The following LRP1B variants were observed in gnomAD, a reference collection of about 807,000 sequenced individuals.
LRP1B encodes low-density lipoprotein receptor-related protein 1B.
A neutral mutation model predicts 556.6 loss-of-function variants in LRP1B; 217 were observed. The observed-to-expected ratio is 0.39, with a 90% CI of 0.35 to 0.44. The LOEUF is 0.44. Among genes scored for constraint, LRP1B ranks in the 20% least tolerant of loss-of-function variants. The pLI, the probability that LRP1B is intolerant of heterozygous loss-of-function variation, is 1.00. For missense variants in LRP1B, 5,053 were observed against 5,620.8 expected (o/e 0.90, Z 3.23); for synonymous variants, 2,047 against 1,865.8 (o/e 1.10, Z -2.50).
intron 23 of LRP1B, 27 bp downstream of exon 23, chr2:140,902,893 A>T (rs2105222288): frequency 6.2e-7 from 1 of 1,606,260 alleles, no homozygotes; most frequent in Non-Finnish European, 8.5e-7. Flanking sequence ...TCTTAAATAT[A>T]GCAACACACA....
At position 141,715,415 on chromosome 2, in the gene LRP1B, G is replaced by A. The variant is rs140621157; in HGVS notation, c.205+94864C>T. Among the ~76,000 whole-genome samples the A allele has an allele frequency of 2.0e-3, 304 of 152,216 alleles. 2 individuals are homozygous for A. The highest frequency in any genetic ancestry group is 3.3e-3 in the Non-Finnish European group (226 of 68,014). ...GAGCCAGGGAAGTCAAGGCTGCAGT[G>A]AGCCCTGATTGTGCCACTGCACTCC... On this transcript the variant is annotated intron_variant, in intron 2 of 90. Coordinates refer to ENST00000389484, the MANE Select transcript of LRP1B (RefSeq NM_018557.3).
At chr2:141,173,859 C>T (rs573952850) in intron 7 of LRP1B, among the ~76,000 whole-genome samples, 11 of 152,158 alleles carry the variant, frequency 7.2e-5, no homozygotes, top group Admixed American at 2.6e-4. Context: ...GACAAATTTA[C>T]TTACCTCTTA....
At chr2:140,401,591 G>A (rs1358126678) in intron 66 of LRP1B, among the ~76,000 whole-genome samples, 3 of 152,184 alleles carry the variant, frequency 2.0e-5, no homozygotes, top group African/African-American at 7.2e-5. Context: ...TGCCCTGGTA[G>A]CTTAACACAA....
chr2:141,706,531 C>T (rs1692144058), intron 2 of LRP1B, among the ~76,000 whole-genome samples: 1 of 152,058 alleles, frequency 6.6e-6, no homozygotes, highest in Non-Finnish European at 1.5e-5. Flanking sequence ...TTACACCAAC[C>T]TGCTTCCAAG....
At chr2:140,464,770 A>T (rs944885726) in intron 60 of LRP1B, among the ~76,000 whole-genome samples, 1 of 152,210 alleles carries the variant, frequency 6.6e-6, no homozygotes, top group Non-Finnish European at 1.5e-5. Flanking sequence ...TTCAACACAC[A>T]TATACATAGG....
chr2:140,301,697 T>A (rs1024001508), intron 83 of LRP1B, among the ~76,000 whole-genome samples: 1 of 151,960 alleles, frequency 6.6e-6, no homozygotes, highest in African/African-American at 2.4e-5. Flanking sequence ...CTGATTTTAA[T>A]TATTTGGTGG....
intron 3 of LRP1B, among the ~76,000 whole-genome samples, chr2:141,436,147 T>A (rs182699630): frequency 2.2e-4 from 33 of 152,340 alleles, no homozygotes; most frequent in African/African-American, 7.9e-4. Context: ...AAAAATTGTA[T>A]ACATTCAAGG....
At chr2:140,788,972 A>G (rs1353710725) in intron 32 of LRP1B, among the ~76,000 whole-genome samples, 1 of 152,146 alleles carries the variant, frequency 6.6e-6, no homozygotes, top group Admixed American at 6.5e-5. Flanking sequence ...AGCCATGGAG[A>G]CCTCAGAAGA....
chr2:140,822,696 T>A (rs1390057147), intron 31 of LRP1B, among the ~76,000 whole-genome samples: 1 of 152,162 alleles, frequency 6.6e-6, no homozygotes, highest in African/African-American at 2.4e-5. Flanking sequence ...CAGTTCTGGA[T>A]TTTTCCCTTT....
At chr2:141,400,682 A>AT (rs1332004406) in intron 3 of LRP1B, among the ~76,000 whole-genome samples, 2 of 152,144 alleles carry the variant, frequency 1.3e-5, no homozygotes, top group Non-Finnish European at 2.9e-5. Flanking sequence ...TGGTCCATTT[A>AT]TTTTTTTAAA....
chr2:141,372,671 A>G (rs982090790), intron 3 of LRP1B, among the ~76,000 whole-genome samples: 3 of 152,048 alleles, frequency 2.0e-5, no homozygotes, highest in Admixed American at 6.6e-5. Flanking sequence ...GAGCATACAG[A>G]TGTTCATAGC....
At chr2:141,068,208 C>G (rs899949035) in intron 7 of LRP1B, among the ~76,000 whole-genome samples, 1 of 151,686 alleles carries the variant, frequency 6.6e-6, no homozygotes, top group African/African-American at 2.4e-5. Context: ...GGGTAAATAC[C>G]CGGGGTTCAT....
chr2:141,401,346 A>C (rs1017960289), intron 3 of LRP1B, among the ~76,000 whole-genome samples: 1 of 152,214 alleles, frequency 6.6e-6, no homozygotes, highest in African/African-American at 2.4e-5. Context: ...CATGGTTATG[A>C]AGTAGAACAA....
At chr2:141,984,040 G>A (rs1049434238) in intron 1 of LRP1B, among the ~76,000 whole-genome samples, 9 of 152,114 alleles carry the variant, frequency 5.9e-5, no homozygotes, top group African/African-American at 1.7e-4. Flanking sequence ...CACTCTGGGC[G>A]ACAAGAGCAA....
intron 1 of LRP1B, among the ~76,000 whole-genome samples, chr2:141,986,765 GT>G (rs1248143796): frequency 4.6e-5 from 7 of 152,048 alleles, no homozygotes; most frequent in African/African-American, 7.2e-5. Context: ...TCTGCATCTA[GT>G]TCTACAAAAT....
At chr2:141,718,758 A>C (rs1001683636) in intron 2 of LRP1B, among the ~76,000 whole-genome samples, 1 of 152,224 alleles carries the variant, frequency 6.6e-6, no homozygotes, top group Admixed American at 6.5e-5. Flanking sequence ...GTAAAGGAAC[A>C]GAAGACTGGA....
intron 2 of LRP1B, among the ~76,000 whole-genome samples, chr2:141,738,490 G>A (rs1199343860): frequency 6.6e-6 from 1 of 152,000 alleles, no homozygotes; most frequent in Non-Finnish European, 1.5e-5. Context: ...CTGTTGAACA[G>A]CATGCGACAA....
chr2:141,479,784 C>A (rs559214728), intron 3 of LRP1B, among the ~76,000 whole-genome samples: 2 of 152,038 alleles, frequency 1.3e-5, no homozygotes, highest in African/African-American at 2.4e-5. Flanking sequence ...CTAGAAAGTG[C>A]CAGTAGCATT....
At chr2:140,266,400 C>T (rs2104936917) in intron 86 of LRP1B, among the ~76,000 whole-genome samples, 2 of 152,104 alleles carry the variant, frequency 1.3e-5, no homozygotes, top group South Asian at 4.1e-4. Context: ...TCTCCCTCAA[C>T]TTCTAAATCT....
Sources: gnomAD v4.1 joint callset for allele counts (sites outside exome capture counted in the v4.1 genomes callset) on GRCh38, gnomAD v4.1.1 for gene constraint, MANE v1.5 for transcripts, NCBI Gene and HGNC (gene_info 2026-07-23, HGNC 2026-07-21) for gene names.